Variants in EDNRA observed in about 807,000 individuals in gnomAD.
EDNRA encodes the protein endothelin-1 receptor.
EDNRA carries 11 observed loss-of-function variants against 41.4 expected under a neutral mutation model. The observed-to-expected ratio is 0.27, with a 90% CI of 0.17 to 0.44. The LOEUF is 0.44. Among genes scored for constraint, EDNRA ranks in the 20% least tolerant of loss-of-function variants. The pLI, the probability that EDNRA is intolerant of heterozygous loss-of-function variation, is 1.00. For synonymous variants in EDNRA, 172 were observed against 183.0 expected (o/e 0.94, Z 0.49); for missense variants, 294 against 531.0 (o/e 0.55, Z 4.39).
At chr4:147,484,576 T>G (rs1728879981) in intron 1 of EDNRA, among the ~76,000 whole-genome samples, 1 of 152,206 alleles carries the variant, frequency 6.6e-6, no homozygotes, top group Non-Finnish European at 1.5e-5. Context: ...TTGTATGGAT[T>G]ACAGGGCATC....
intron 5 of EDNRA, among the ~76,000 whole-genome samples, chr4:147,538,901 C>T (rs1178170037): frequency 6.6e-6 from 1 of 152,214 alleles, no homozygotes; most frequent in Non-Finnish European, 1.5e-5. Context: ...TTTATTTTGA[C>T]ATTAACTGAT....
chr4:147,540,834 T>C (rs544255631), intron 7 of EDNRA, among the ~76,000 whole-genome samples: 4 of 152,030 alleles, frequency 2.6e-5, no homozygotes, highest in African/African-American at 9.6e-5. Context: ...TGAACCAAAG[T>C]CTTGACAAAA....
At position 147,486,238 on chromosome 4, in the gene EDNRA, A is replaced by G; in HGVS notation, c.420+137A>G. ...GAGCTATTTCTGCTGTCTTCTAACTACTAGTTTTAAGATTTACAAATTTTA... is the reference window on the plus strand; with the variant it reads ...GAGCTATTTCTGCTGTCTTCTAACTGCTAGTTTTAAGATTTACAAATTTTA... On this transcript the variant is annotated intron_variant, in intron 2 of 7. Transcript: ENST00000651419. The surrounding 1 kb of genome is among the most constrained non-coding windows in gnomAD (Gnocchi z 4.3). The G allele has an allele frequency of 4.2e-6, 4 of 951,706 alleles. No individual in the cohort carries two copies. The highest frequency in any genetic ancestry group is 6.1e-6 in the Non-Finnish European group (4 of 659,218). 59.0% of individuals were successfully genotyped at this position (951,706 alleles called of 1,614,324 possible).
intron 2 of EDNRA, among the ~76,000 whole-genome samples, chr4:147,497,674 C>CCATT (rs1451516258): frequency 6.6e-6 from 1 of 152,018 alleles, no homozygotes. Flanking sequence ...CAGGTTCACA[C>CCATT]CATTCTCCTG....
chr4:147,489,259 CAAA>C (rs1729052791), intron 2 of EDNRA: 1 of 152,042 alleles, frequency 6.6e-6, no homozygotes, highest in African/African-American at 2.4e-5. Context: ...GTATCCATCA[CAAA>C]AATAATATAC....
intron 2 of EDNRA, among the ~76,000 whole-genome samples, chr4:147,518,562 G>C (rs1432759091): frequency 2.0e-5 from 3 of 152,206 alleles, no homozygotes; most frequent in Non-Finnish European, 4.4e-5. Context: ...AAATCACAGA[G>C]TGAGAGACTG....
Position 147,486,969 on chromosome 4 carries a change from G to A in EDNRA, c.420+868G>A, listed in dbSNP as rs773749126. On this transcript the variant is annotated intron_variant, in intron 2 of 7. Transcript: ENST00000651419. This position sits in a 1 kb window ranked among gnomAD's most constrained non-coding sequence, Gnocchi z 4.3. ...ATTTGATTGGCTCACAGCTCTGTAG[G>A]CTGTACATGCATGGCTCCAGCATCT... Among the ~76,000 whole-genome samples, 1 of 151,978 alleles carries A rather than the reference G, an allele frequency of 6.6e-6. No homozygotes were observed. The highest frequency in any genetic ancestry group is 1.5e-5 in the Non-Finnish European group (1 of 68,014).
rs187954100 is a variant in EDNRA, at chr4:147,523,896, C to T, written c.548+3918C>T. Among the ~76,000 whole-genome samples the T allele has an allele frequency of 2.6e-5, 4 of 152,222 alleles. No homozygotes were observed. In the East Asian group the frequency reaches 5.8e-4, roughly 22 times the overall value. ...GGCAGGTCTGACATCCCCTTCCCAT[C>T]ATGGCCTGAACTCGTATTTTAGGTT... On this transcript the variant is annotated intron_variant, in intron 3 of 7. Transcript: ENST00000651419.
In EDNRA at chr4:147,542,838, G is replaced by A. The variant is rs987980878; in HGVS notation, c.*220G>A. ...AATTGATCTAATTTACATATTCTGC[G>A]TGTTGTATTCAGCACTAAAAAATGG... On this transcript the variant is annotated 3_prime_UTR_variant, in exon 8 of 8. Coordinates refer to ENST00000651419, the MANE Select transcript of EDNRA (RefSeq NM_001957.4). 3 of 504,778 alleles carry A rather than the reference G, an allele frequency of 5.9e-6. No individual in the cohort carries two copies. Among genetic ancestry groups the A allele is most frequent in the East Asian group, 6.9e-5 (2 of 28,916 alleles). The allele number at this position is 504,778 out of a possible 1,614,324, so 31.3% of individuals were successfully genotyped here.
chr4:147,523,361 A>G (rs1379965518), intron 3 of EDNRA, among the ~76,000 whole-genome samples: 2 of 150,870 alleles, frequency 1.3e-5, no homozygotes, highest in Non-Finnish European at 3.0e-5. Context: ...AAATACTTCT[A>G]TTTCTTTCAG....
intron 4 of EDNRA, among the ~76,000 whole-genome samples, chr4:147,534,687 T>C (rs1160816653): frequency 1.3e-5 from 2 of 152,240 alleles, no homozygotes; most frequent in South Asian, 2.1e-4. Context: ...ACTAGGTTTG[T>C]TATTTGTGAA....
intron 3 of EDNRA, among the ~76,000 whole-genome samples, chr4:147,528,397 A>G (rs542681913): frequency 1.5e-5 from 2 of 133,052 alleles, no homozygotes; most frequent in Non-Finnish European, 3.1e-5. Flanking sequence ...TTACTCTGTC[A>G]CCCAGGCTGG....
intron 2 of EDNRA, among the ~76,000 whole-genome samples, chr4:147,502,853 T>C (rs1578786568): frequency 1.8e-5 from 1 of 57,110 alleles, no homozygotes; most frequent in Non-Finnish European, 3.2e-5. Context: ...AAAATATGTA[T>C]TTAGCCTAAT....
intron 1 of EDNRA, among the ~76,000 whole-genome samples, chr4:147,483,021 A>T (rs2126362786): frequency 6.6e-6 from 1 of 152,344 alleles, no homozygotes; most frequent in African/African-American, 2.4e-5. Context: ...ACGAAACAGC[A>T]CAAGATATGA....
At chr4:147,497,136 C>T (rs1578781296) in intron 2 of EDNRA, among the ~76,000 whole-genome samples, 2 of 143,860 alleles carry the variant, frequency 1.4e-5, no homozygotes, top group African/African-American at 5.2e-5. Context: ...AAGAACTAGG[C>T]AATAGAATTC....
At chr4:147,540,587 A>G (rs1189946767) in intron 7 of EDNRA, 102 bp downstream of exon 7, 3 of 748,596 alleles carry the variant, frequency 4.0e-6, no homozygotes, top group African/African-American at 3.6e-5. Context: ...TTGATCAGCT[A>G]TACTACTTTT....
intron 4 of EDNRA, among the ~76,000 whole-genome samples, chr4:147,533,085 C>T (rs1730807799): frequency 6.6e-6 from 1 of 151,870 alleles, no homozygotes; most frequent in Non-Finnish European, 1.5e-5. Context: ...ACAACAATTT[C>T]CATCTGGAAG....
Position 147,485,893 on chromosome 4 carries a change from A to G in EDNRA, c.212A>G (p.Gln71Arg). 1.2e-6 allele frequency: 2 copies of G among 1,614,262 alleles called. No individual in the cohort carries two copies. The highest frequency in any genetic ancestry group is 8.5e-7 in the Non-Finnish European group (1 of 1,180,050). Residue 71 changes from glutamine (Q) to arginine (R), a missense_variant, in exon 2 of 8, where the codon CAG becomes CGG. Gln to Arg is a conservative substitution (Grantham distance 43). This residue lies in a region of EDNRA where 90 missense variants were observed against 122.8 expected (regional missense o/e 0.73). Coordinates refer to ENST00000651419, the MANE Select transcript of EDNRA (RefSeq NM_001957.4). ...GGCTCAATGCACAACTATTGCCCAC[A>G]GCAGACTAAAATTACTTCAGCTTTC... is the stretch of plus-strand genomic sequence containing the variant. ...SNGSMHNYCP[Q>R]QTKITSAFKY...
At chr4:147,515,930 A>T in intron 2 of EDNRA, among the ~76,000 whole-genome samples, 1 of 152,186 alleles carries the variant, frequency 6.6e-6, no homozygotes, top group East Asian at 1.9e-4. Context: ...CAATTCTATG[A>T]TGTTGATTTT....
Sources: gnomAD v4.1 joint callset for allele counts (sites outside exome capture counted in the v4.1 genomes callset) on GRCh38, gnomAD v4.1.1 for gene constraint, gnomAD v4.1.1 regional missense constraint, Gnocchi (gnomAD v3.1) non-coding constraint, MANE v1.5 for transcripts, NCBI Gene and HGNC (gene_info 2026-07-23, HGNC 2026-07-21) for gene names.